ASXL3: variants seen among roughly 807,000 people sequenced by gnomAD.
ASXL3 encodes the protein putative Polycomb group protein ASXL3.
In ASXL3, 34 loss-of-function variants were observed where a neutral mutation model predicts 170.6. The ratio of observed to expected loss-of-function variants is 0.20; its 90% CI spans 0.15 to 0.27. ASXL3 has a LOEUF of 0.27. Ranked by LOEUF, ASXL3 falls within the 10% of genes least tolerant of loss-of-function variation. ASXL3 has a pLI of 1.00. For missense variants in ASXL3, 2,592 were observed against 2,695.3 expected, an observed-to-expected ratio of 0.96 and a Z score of 0.85; for synonymous variants, 1,002 against 989.1, an observed-to-expected ratio of 1.01 and a Z score of -0.24.
chr18:33,604,436 T>C (rs1377066337), intron 1 of ASXL3, among the ~76,000 whole-genome samples: 2 of 150,988 alleles, frequency 1.3e-5, no homozygotes, highest in Non-Finnish European at 3.0e-5. Flanking sequence ...AATTCCAATC[T>C]CAATTTCATC....
chr18:33,687,090 T>C (rs1001549370), intron 8 of ASXL3, among the ~76,000 whole-genome samples: 26 of 152,178 alleles, frequency 1.7e-4, no homozygotes, highest in Admixed American at 1.4e-3. Context: ...GAAATGGGAT[T>C]GTTAAAGGTC....
rs564395555 is a variant in ASXL3 at position 33,592,121 on chromosome 18, C to A, written c.54+13436C>A. Among the ~76,000 whole-genome samples, 130 of 152,026 alleles carry A rather than the reference C, an allele frequency of 8.6e-4. 1 individual carries two copies. In the South Asian group the frequency reaches 9.1e-3, roughly 11 times the overall value. ...TATCTTCTTGGTGCTAGGTGCTAGTCGTAGGCAGTTCAGATGGGGAAAGCA... is the reference window on the plus strand; with the variant it reads ...TATCTTCTTGGTGCTAGGTGCTAGTAGTAGGCAGTTCAGATGGGGAAAGCA... On this transcript the variant is annotated intron_variant, in intron 1 of 11. Coordinates refer to ENST00000269197, the MANE Select transcript of ASXL3 (RefSeq NM_030632.3).
At chr18:33,648,700 A>G (rs892993924) in intron 4 of ASXL3, among the ~76,000 whole-genome samples, 11 of 152,106 alleles carry the variant, frequency 7.2e-5, no homozygotes, top group African/African-American at 2.2e-4. Context: ...AATAGAAAAG[A>G]AAAAAGACCC....
At chr18:33,704,502 T>C (rs1319937206) in intron 8 of ASXL3, among the ~76,000 whole-genome samples, 1 of 152,112 alleles carries the variant, frequency 6.6e-6, no homozygotes, top group African/African-American at 2.4e-5. Context: ...TGCATTTTGC[T>C]ACTCATAAGT....
chr18:33,635,866 G>T (rs1354136011), intron 2 of ASXL3, among the ~76,000 whole-genome samples: 1 of 152,132 alleles, frequency 6.6e-6, no homozygotes, highest in Admixed American at 6.6e-5. Context: ...GATCGTAACA[G>T]CTTTTATTTT....
At chr18:33,636,258 G>T (rs2065761629) in intron 2 of ASXL3, among the ~76,000 whole-genome samples, 1 of 151,924 alleles carries the variant, frequency 6.6e-6, no homozygotes, top group Admixed American at 6.6e-5. Flanking sequence ...CCTAATGCTG[G>T]CCTGAGGACT....
intron 8 of ASXL3, among the ~76,000 whole-genome samples, chr18:33,714,113 T>A (rs1156309585): frequency 3.9e-5 from 6 of 152,194 alleles, no homozygotes. Context: ...TCCACCTTAA[T>A]TGTGGAAACT....
chr18:33,660,999 T>C (rs941664760), intron 4 of ASXL3, among the ~76,000 whole-genome samples: 5 of 152,168 alleles, frequency 3.3e-5, no homozygotes, highest in African/African-American at 1.2e-4. Flanking sequence ...CTGACTCTGA[T>C]AAAAATGAGC....
chr18:33,580,574 G>A (rs2064983464), intron 1 of ASXL3, among the ~76,000 whole-genome samples: 1 of 152,182 alleles, frequency 6.6e-6, no homozygotes, highest in Admixed American at 6.5e-5. Flanking sequence ...GGAATTTAAA[G>A]CTAGCCATTT....
At chr18:33,644,747 A>G in intron 2 of ASXL3, 147 bp from the exon 3 acceptor site, 2 of 463,418 alleles carry the variant, frequency 4.3e-6, no homozygotes, top group Non-Finnish European at 7.6e-6. Context: ...CAGGGTTGAG[A>G]GGGTATTTTT....
intron 2 of ASXL3, among the ~76,000 whole-genome samples, chr18:33,643,996 A>G (rs117413025): frequency 3.3e-5 from 5 of 152,014 alleles, no homozygotes; most frequent in Non-Finnish European, 7.4e-5. Flanking sequence ...TTGTAGCTCT[A>G]AATTTTAGCT....
intron 3 of ASXL3, 54 bp downstream of exon 3, chr18:33,645,056 A>T: frequency 3.1e-6 from 4 of 1,285,180 alleles, no homozygotes; most frequent in Non-Finnish European, 4.3e-6. Context: ...ATTTTTTCAG[A>T]CATGTGAAGG....
chr18:33,742,336 G>A (rs1247446278), intron 11 of ASXL3, among the ~76,000 whole-genome samples: 1 of 152,188 alleles, frequency 6.6e-6, no homozygotes, highest in Non-Finnish European at 1.5e-5. Context: ...AAATCATAGA[G>A]TTCTTGGCTC....
chr18:33,659,698 G>A (rs953814109), intron 4 of ASXL3, among the ~76,000 whole-genome samples: 1 of 152,030 alleles, frequency 6.6e-6, no homozygotes, highest in Admixed American at 6.6e-5. Flanking sequence ...AATTATTCCA[G>A]TGATTATTTA....
chr18:33,674,897 C>T (rs576932829), intron 7 of ASXL3, among the ~76,000 whole-genome samples: 5 of 152,188 alleles, frequency 3.3e-5, no homozygotes, highest in Admixed American at 6.5e-5. Flanking sequence ...GGATTACAGG[C>T]GTGAGCCACC....
chr18:33,633,552 A>T (rs1213238828), intron 2 of ASXL3, among the ~76,000 whole-genome samples: 1 of 152,152 alleles, frequency 6.6e-6, no homozygotes, highest in Non-Finnish European at 1.5e-5. Context: ...ATACACTTGT[A>T]AAAAATTCAC....
chr18:33,717,440 G>C (rs951430535), intron 8 of ASXL3, among the ~76,000 whole-genome samples: 1 of 152,004 alleles, frequency 6.6e-6, no homozygotes, highest in African/African-American at 2.4e-5. Flanking sequence ...AGCATATTAG[G>C]TTATTTGCAT....
intron 2 of ASXL3, among the ~76,000 whole-genome samples, chr18:33,629,921 A>G (rs1599417270): frequency 6.6e-6 from 1 of 152,090 alleles, no homozygotes; most frequent in East Asian, 1.9e-4. Flanking sequence ...CTCTTTAAAC[A>G]TTTACATTGA....
intron 1 of ASXL3, among the ~76,000 whole-genome samples, chr18:33,582,509 T>C (rs2065002063): frequency 6.6e-6 from 1 of 151,914 alleles, no homozygotes; most frequent in South Asian, 2.1e-4. Context: ...TTTAAGATAA[T>C]AGTTTAATGT....
Sources: gnomAD v4.1 joint callset for allele counts (sites outside exome capture counted in the v4.1 genomes callset) on GRCh38, gnomAD v4.1.1 for gene constraint, MANE v1.5 for transcripts, NCBI Gene and HGNC (gene_info 2026-07-23, HGNC 2026-07-21) for gene names.